MOCOS: variants seen among roughly 807,000 people sequenced by gnomAD.
The protein encoded by MOCOS is molybdenum cofactor sulfurase, also known as human molybdenum cofactor sulfurase.
MOCOS carries 86 observed loss-of-function variants against 83.6 expected under a neutral mutation model. That is an observed-to-expected ratio of 1.03 (90% CI 0.86 to 1.23). The LOEUF is 1.23. Among genes scored for constraint, MOCOS ranks in the 50% most tolerant of loss-of-function variants. The pLI is 0.00. For missense variants in MOCOS, 1,120 were observed against 1,126.9 expected (o/e 0.99, Z 0.09); for synonymous variants, 445 against 434.7 (o/e 1.02, Z -0.29).
intron 1 of MOCOS, among the ~76,000 whole-genome samples, chr18:36,192,452 G>C (rs2091369911): frequency 6.6e-6 from 1 of 152,150 alleles, no homozygotes; most frequent in African/African-American, 2.4e-5. Flanking sequence ...AATTAAAGAA[G>C]ACCTAAATAA....
intron 6 of MOCOS, among the ~76,000 whole-genome samples, chr18:36,212,146 C>T (rs1228567435): frequency 6.6e-6 from 1 of 152,220 alleles, no homozygotes; most frequent in East Asian, 1.9e-4. Context: ...TGCCAAACTA[C>T]TCCCAGACTT....
intron 9 of MOCOS, among the ~76,000 whole-genome samples, chr18:36,244,537 C>A (rs77087714): frequency 0.087 from 13,170 of 152,024 alleles, 745 homozygotes; most frequent in East Asian, 0.17. Context: ...TGTTTTATGG[C>A]CATGATATGG....
chr18:36,193,245 A>C (rs2091373255), intron 1 of MOCOS, among the ~76,000 whole-genome samples: 3 of 136,994 alleles, frequency 2.2e-5, no homozygotes, highest in African/African-American at 8.2e-5. Flanking sequence ...CGGGAAGCGG[A>C]GCTTGCAGTG....
chr18:36,232,697 T>A (rs1307941576), intron 9 of MOCOS, among the ~76,000 whole-genome samples: 1 of 152,158 alleles, frequency 6.6e-6, no homozygotes, highest in Non-Finnish European at 1.5e-5. Context: ...TTTACTTCTA[T>A]GAGATCAACT....
intron 10 of MOCOS, among the ~76,000 whole-genome samples, chr18:36,250,712 T>C (rs191759556): frequency 8.5e-5 from 13 of 152,350 alleles, no homozygotes. Flanking sequence ...GCAGTACTTA[T>C]ATCTGTAACT....
intron 3 of MOCOS, among the ~76,000 whole-genome samples, chr18:36,199,261 C>T (rs184885702): frequency 4.5e-4 from 68 of 152,248 alleles, no homozygotes; most frequent in Middle Eastern, 6.8e-3. Flanking sequence ...ATTATTAACA[C>T]AATTTCCAAT....
intron 2 of MOCOS, 52 bp downstream of exon 2, chr18:36,195,398 A>T: frequency 7.0e-7 from 1 of 1,432,422 alleles, no homozygotes; most frequent in Non-Finnish European, 9.9e-7. Context: ...CAGCTGATAT[A>T]CCTGTGCATG....
At chr18:36,262,435 A>G (rs2091667281) in intron 13 of MOCOS, among the ~76,000 whole-genome samples, 1 of 152,108 alleles carries the variant, frequency 6.6e-6, no homozygotes. Context: ...CAATCAGTCA[A>G]TCAATAATAG....
chr18:36,193,287 C>T (rs1297719059), intron 1 of MOCOS, among the ~76,000 whole-genome samples: 24 of 114,298 alleles, frequency 2.1e-4, no homozygotes, highest in African/African-American at 5.0e-4. Flanking sequence ...GTCCGCAGTC[C>T]GGCCTGGGCG....
chr18:36,199,321 T>G (rs139818425), intron 3 of MOCOS, among the ~76,000 whole-genome samples: 4 of 152,216 alleles, frequency 2.6e-5, no homozygotes, highest in Admixed American at 2.0e-4. Context: ...GTTTTGCTAT[T>G]AGAGTTGCCA....
At chr18:36,246,892 C>T (rs1402662679) in intron 9 of MOCOS, among the ~76,000 whole-genome samples, 1 of 152,134 alleles carries the variant, frequency 6.6e-6, no homozygotes, top group Admixed American at 6.5e-5. Context: ...TTGGCTTCCT[C>T]AGGTAATGAA....
At chr18:36,251,693 A>G (rs1262041037) in intron 11 of MOCOS, among the ~76,000 whole-genome samples, 3 of 152,220 alleles carry the variant, frequency 2.0e-5, no homozygotes, top group Admixed American at 2.0e-4. Flanking sequence ...CTTGAACCCC[A>G]TGGTGCCTCA....
intron 9 of MOCOS, among the ~76,000 whole-genome samples, chr18:36,221,764 T>A (rs1387615131): frequency 6.6e-6 from 1 of 151,316 alleles, no homozygotes; most frequent in Non-Finnish European, 1.5e-5. Context: ...TTCACTCTTG[T>A]TGTCCAGGCT....
intron 13 of MOCOS, among the ~76,000 whole-genome samples, chr18:36,261,244 A>T (rs2091662503): frequency 6.6e-6 from 1 of 152,226 alleles, no homozygotes; most frequent in African/African-American, 2.4e-5. Flanking sequence ...GCTCTAAAAT[A>T]TAAAACTTTT....
In MOCOS at chr18:36,269,188, T is replaced by C. The variant is rs948195936; in HGVS notation, c.*503T>C. The C allele has an allele frequency of 6.1e-6, 1 of 162,820 alleles. No individual in the cohort carries two copies. The highest frequency in any genetic ancestry group is 1.3e-5 in the Non-Finnish European group (1 of 74,374). 10.1% of individuals were successfully genotyped at this position (162,820 alleles called of 1,614,324 possible). A position where few individuals can be genotyped will look rare whatever the true frequency, so the allele number is the denominator to read the frequency against. ...GGTTTATGCTCAGGGGCCCAGAGGG[T>C]AACTTGTGACCACATTCCTTGAGGG... On this transcript the variant is annotated 3_prime_UTR_variant, in exon 15 of 15. Coordinates refer to ENST00000261326, the MANE Select transcript of MOCOS (RefSeq NM_017947.4).
intron 9 of MOCOS, among the ~76,000 whole-genome samples, chr18:36,220,746 C>A (rs2144922308): frequency 6.6e-6 from 1 of 152,026 alleles, no homozygotes; most frequent in East Asian, 1.9e-4. Context: ...CATGACGAAA[C>A]CCCTTCTCTA....
chr18:36,211,723 T>C (rs751986327), intron 6 of MOCOS, among the ~76,000 whole-genome samples: 1 of 152,064 alleles, frequency 6.6e-6, no homozygotes, highest in African/African-American at 2.4e-5. Context: ...AAAGGGTAAG[T>C]GTGGCTGCAA....
intron 13 of MOCOS, among the ~76,000 whole-genome samples, chr18:36,266,532 TC>T (rs1298790374): frequency 2.6e-5 from 4 of 152,152 alleles, no homozygotes; most frequent in African/African-American, 2.4e-5. Flanking sequence ...ACCGTCAAGA[TC>T]TCAGTCCCTC....
intron 6 of MOCOS, among the ~76,000 whole-genome samples, chr18:36,210,495 AG>A (rs1219225716): frequency 6.6e-6 from 1 of 152,168 alleles, no homozygotes; most frequent in East Asian, 1.9e-4. Flanking sequence ...CAGAGGCAAA[AG>A]GTTTGCCTTC....
Sources: allele counts gnomAD v4.1 joint callset (sites outside exome capture counted in the v4.1 genomes callset), GRCh38; gene constraint gnomAD v4.1.1; transcripts MANE v1.5; gene names NCBI Gene and HGNC (gene_info 2026-07-23, HGNC 2026-07-21).